The following CLPB variants were observed in gnomAD, a reference collection of about 807,000 sequenced individuals.
CLPB encodes mitochondrial disaggregase.
CLPB carries 40 observed loss-of-function variants against 78.4 expected under a neutral mutation model. The ratio of observed to expected loss-of-function variants is 0.51; its 90% confidence interval spans 0.40 to 0.66. The LOEUF (loss-of-function observed/expected upper bound fraction) is 0.66, where lower values mean the gene tolerates loss of function less well. Ranked by LOEUF, CLPB falls within the 30% of genes least tolerant of loss-of-function variation. CLPB has a pLI of 0.00. For synonymous variants in CLPB, 333 were observed against 348.0 expected (o/e 0.96, Z 0.48); for missense variants, 780 against 886.9 (o/e 0.88, Z 1.53).
intron 4 of CLPB, among the ~76,000 whole-genome samples, chr11:72,371,427 G>T (rs1159261231): frequency 6.6e-6 from 1 of 151,866 alleles, no homozygotes; most frequent in Non-Finnish European, 1.5e-5. Context: ...TACTCAGGAG[G>T]CTGAGGCATA....
chr11:72,307,157 G>A lies in CLPB; in HGVS notation c.1122+42C>T, dbSNP rs1241330320. The stretch of plus-strand genomic sequence containing the variant: ...TTTTTGGGATAGCAGGAATGGTGAG[G>A]TCTCCACGATCTGCAGATCAGACCT... On this transcript the variant is annotated intron_variant, in intron 9 of 15. Transcript: ENST00000538039. 7 of 1,569,430 alleles carry A rather than the reference G, an allele frequency of 4.5e-6. No individual in the cohort carries two copies. The African/African-American group carries it at 8.1e-5, about 18-fold the overall frequency.
Position 72,293,137 on chromosome 11 carries a change from G to A in CLPB, c.*230C>T. 1 of 520,492 alleles carries A rather than the reference G, an allele frequency of 1.9e-6. No individual in the cohort carries two copies. 32.2% of individuals were successfully genotyped at this position (520,492 alleles called of 1,614,324 possible). ...GGGGTGGAAAGGCAGCTCCTCTCCT[G>A]AAGGCTTGTTAGCAGGTTATGGGCC... is the stretch of plus-strand genomic sequence containing the variant. On this transcript the variant is annotated 3_prime_UTR_variant, in exon 16 of 16. Transcript: ENST00000538039.
chr11:72,285,820 A>G lies in CLPB; in HGVS notation c.*7547T>C, dbSNP rs939913858. 6.6e-6 allele frequency: 1 copy of G among 152,194 alleles called. No homozygotes were observed. Among genetic ancestry groups the G allele is most frequent in the African/African-American group, 2.4e-5 (1 of 41,430 alleles). The allele number at this position is 152,194 out of a possible 1,614,324, so 9.4% of individuals were successfully genotyped here. A position where few individuals can be genotyped will look rare whatever the true frequency, so the allele number is the denominator to read the frequency against. On this transcript the variant is annotated 3_prime_UTR_variant, in exon 16 of 16. Coordinates refer to ENST00000538039, the MANE Select transcript of CLPB (RefSeq NM_001258392.3). ...AAATATATATATACCTATTTGTTGC[A>G]ATTGTAAATGGAATGTTTTTCTTTT...
In CLPB at chr11:72,344,325, C is replaced by G. The variant is rs558607850; in HGVS notation, c.776-14521G>C. On this transcript the variant is annotated intron_variant, in intron 5 of 15. Transcript: ENST00000538039. ...CCGGACTCAAGCAATCCTCCCCACT[C>G]AGCCTCCTGAGTAGATGGGACCACA... 7.9e-5 allele frequency among the ~76,000 whole-genome samples: 12 copies of G among 152,246 alleles called. No homozygotes were observed. In the South Asian group the frequency reaches 2.3e-3, roughly 29 times the overall value.
At position 72,292,875 on chromosome 11, in the gene CLPB, C is replaced by A. The variant is rs146071204; in HGVS notation, c.*492G>T. The A allele has an allele frequency of 0.013, 1,997 of 157,306 alleles. 13 individuals are homozygous for A. The highest frequency in any genetic ancestry group is 0.028 in the African/African-American group (1,150 of 41,612). 9.7% of individuals were successfully genotyped at this position (157,306 alleles called of 1,614,324 possible). A position where few individuals can be genotyped will look rare whatever the true frequency, so the allele number is the denominator to read the frequency against. ...GCTACAGACTAAATTGCAGAACTATCTGCACCTGGGCCTCTGAGCTCTTCC... is the reference window on the plus strand; with the variant it reads ...GCTACAGACTAAATTGCAGAACTATATGCACCTGGGCCTCTGAGCTCTTCC... On this transcript the variant is annotated 3_prime_UTR_variant, in exon 16 of 16. Coordinates refer to ENST00000538039, the MANE Select transcript of CLPB (RefSeq NM_001258392.3).
At chr11:72,335,880 G>C (rs991804586) in intron 5 of CLPB, among the ~76,000 whole-genome samples, 1 of 152,118 alleles carries the variant, frequency 6.6e-6, no homozygotes, top group African/African-American at 2.4e-5. Flanking sequence ...CTTTATGATA[G>C]CAATACAAAA....
chr11:72,333,698 G>C (rs1195984069), intron 5 of CLPB, among the ~76,000 whole-genome samples: 1 of 152,116 alleles, frequency 6.6e-6, no homozygotes, highest in African/African-American at 2.4e-5. Context: ...GGCGGCACTG[G>C]GGGGCTCAGG....
intron 6 of CLPB, among the ~76,000 whole-genome samples, chr11:72,323,565 CAA>C (rs371241451): frequency 1.6e-4 from 11 of 68,768 alleles, no homozygotes; most frequent in African/African-American, 1.9e-4. Flanking sequence ...GACTCCATCT[CAA>C]AAAAAAAAAA....
chr11:72,297,162 C>T (rs1178154812), intron 11 of CLPB, among the ~76,000 whole-genome samples: 2 of 152,208 alleles, frequency 1.3e-5, no homozygotes, highest in Non-Finnish European at 1.5e-5. Context: ...AAGCACAGCT[C>T]CCGCCAAGCC....
At chr11:72,339,867 C>T (rs1430975776) in intron 5 of CLPB, among the ~76,000 whole-genome samples, 3 of 152,160 alleles carry the variant, frequency 2.0e-5, no homozygotes, top group Non-Finnish European at 4.4e-5. Context: ...TACTAAAGGC[C>T]AGTAACAGTT....
At chr11:72,390,835 T>C (rs1855232316) in intron 3 of CLPB, among the ~76,000 whole-genome samples, 2 of 152,186 alleles carry the variant, frequency 1.3e-5, no homozygotes, top group Admixed American at 6.5e-5. Context: ...AAAATTCTTA[T>C]GCAGGTCCAT....
intron 3 of CLPB, among the ~76,000 whole-genome samples, chr11:72,399,618 C>A (rs1157239430): frequency 6.6e-6 from 1 of 152,126 alleles, no homozygotes; most frequent in Non-Finnish European, 1.5e-5. Flanking sequence ...TATTCTATAT[C>A]CCTAAAGACT....
chr11:72,417,069 G>T (rs1348676591), intron 2 of CLPB, among the ~76,000 whole-genome samples: 3 of 152,132 alleles, frequency 2.0e-5, no homozygotes, highest in Non-Finnish European at 4.4e-5. Context: ...CCACTCCTAG[G>T]TATACACTGA....
At position 72,312,856 on chromosome 11, in the gene CLPB, C is replaced by T. The variant is rs575575580; in HGVS notation, c.988+4250G>A. On this transcript the variant is annotated intron_variant, in intron 7 of 15. Coordinates refer to ENST00000538039, the MANE Select transcript of CLPB (RefSeq NM_001258392.3). This position sits in a 1 kb window ranked among gnomAD's most constrained non-coding sequence, Gnocchi z 4.2. ...TGCTATGAAAACTGTGGGCTCCAAA[C>T]GGGATGGGTGCACAGAGGGAAGTAT... Among the ~76,000 whole-genome samples the T allele has an allele frequency of 1.8e-4, 27 of 152,232 alleles. No homozygotes were observed. Among genetic ancestry groups the T allele is most frequent in the African/African-American group, 5.3e-4 (22 of 41,542 alleles).
chr11:72,412,256 C>T (rs775527201), intron 2 of CLPB, among the ~76,000 whole-genome samples: 3 of 152,170 alleles, frequency 2.0e-5, no homozygotes, highest in South Asian at 2.1e-4. Context: ...GGGACCCTTC[C>T]GTGAGGAAGC....
At chr11:72,387,073 A>C (rs917253970) in intron 3 of CLPB, among the ~76,000 whole-genome samples, 1 of 152,240 alleles carries the variant, frequency 6.6e-6, no homozygotes, top group African/African-American at 2.4e-5. Flanking sequence ...GGATGATCAG[A>C]GCATCAGAAT....
At position 72,434,431 on chromosome 11, in the gene CLPB, C is replaced by A. The variant is rs757308318; in HGVS notation, c.44G>T (p.Arg15Leu). 1.3e-6 allele frequency: 2 copies of A among 1,583,356 alleles called. No individual in the cohort carries two copies. Among genetic ancestry groups the A allele is most frequent in the Non-Finnish European group, 1.7e-6 (2 of 1,162,308 alleles). ...LVLRRKALAP[R>L]LLLRLLRSPT... ...GGACCTGAGCAGCCGGAGGAGTAGCCGTGGCGCCAGTGCTTTTCTCCTCAA... is the reference window on the plus strand; with the variant it reads ...GGACCTGAGCAGCCGGAGGAGTAGCAGTGGCGCCAGTGCTTTTCTCCTCAA... The change falls in exon 1 of 16, where the codon CGG becomes CTG. Residue 15 changes from arginine (R) to leucine (L), a missense_variant. Around this residue, in one of 3 missense-constraint regions of CLPB, gnomAD observed 417 missense variants for 414.7 expected, o/e 1.01. Coordinates refer to ENST00000538039, the MANE Select transcript of CLPB (RefSeq NM_001258392.3).
At chr11:72,345,445 A>G (rs921643599) in intron 5 of CLPB, among the ~76,000 whole-genome samples, 4 of 152,234 alleles carry the variant, frequency 2.6e-5, no homozygotes, top group African/African-American at 9.6e-5. Flanking sequence ...CCTTTTGTGT[A>G]GGCAGAAAAG....
intron 6 of CLPB, among the ~76,000 whole-genome samples, chr11:72,328,552 C>T (rs1208864649): frequency 6.6e-6 from 1 of 152,190 alleles, no homozygotes; most frequent in Non-Finnish European, 1.5e-5. Flanking sequence ...TCTCTTCAGT[C>T]TCAGTCCAGG....
Sources: gnomAD v4.1 joint callset for allele counts (sites outside exome capture counted in the v4.1 genomes callset) on GRCh38, gnomAD v4.1.1 for gene constraint, gnomAD v4.1.1 regional missense constraint, Gnocchi (gnomAD v3.1) non-coding constraint, MANE v1.5 for transcripts, NCBI Gene and HGNC (gene_info 2026-07-23, HGNC 2026-07-21) for gene names.